The following EPRS1 variants were observed in gnomAD, a reference collection of about 807,000 sequenced individuals.
EPRS1 encodes glutamyl-prolyl-tRNA synthetase 1.
Under a neutral mutation model 188.3 loss-of-function variants are expected in EPRS1, and 107 were observed. The observed-to-expected ratio is 0.57, with a 90% CI of 0.49 to 0.67. The LOEUF is 0.67. Ranked by LOEUF, EPRS1 falls within the 30% of genes least tolerant of loss-of-function variation. The pLI is 0.00. For missense variants in EPRS1, 1,577 were observed against 1,802.2 expected, an observed-to-expected ratio of 0.88 and a Z score of 2.26; for synonymous variants, 596 against 593.1, an observed-to-expected ratio of 1.00 and a Z score of -0.07.
intron 28 of EPRS1, 27 bp downstream of exon 28, chr1:219,978,519 G>A: frequency 6.0e-6 from 9 of 1,510,502 alleles, no homozygotes; most frequent in Non-Finnish European, 8.1e-6. Context: ...AGATGTTGGG[G>A]GTAAAAGATA....
chr1:220,018,649 C>T (rs1661791627), intron 11 of EPRS1, 141 bp from the exon 12 acceptor site: 1 of 657,696 alleles, frequency 1.5e-6, no homozygotes, highest in Non-Finnish European at 2.6e-6. Flanking sequence ...ATATAAAACT[C>T]AGTGTATACA....
intron 22 of EPRS1, 97 bp from the exon 23 acceptor site, chr1:219,982,941 A>G (rs1485183504): frequency 1.3e-5 from 15 of 1,129,168 alleles, no homozygotes; most frequent in African/African-American, 1.2e-4. Context: ...AATTTTTGCT[A>G]TATCAATTTA....
intron 1 of EPRS1, among the ~76,000 whole-genome samples, chr1:220,044,307 T>C (rs969790816): frequency 6.6e-6 from 1 of 152,210 alleles, no homozygotes; most frequent in African/African-American, 2.4e-5. Flanking sequence ...AGAAAAATGA[T>C]ATATTTGATA....
chr1:219,970,074 G>A (rs978508016), intron 30 of EPRS1, among the ~76,000 whole-genome samples: 4 of 152,146 alleles, frequency 2.6e-5, no homozygotes, highest in African/African-American at 7.2e-5. Flanking sequence ...CACCCACCTC[G>A]GCCTCCCAAA....
At chr1:219,973,504 A>T in intron 28 of EPRS1, 106 bp from the exon 29 acceptor site, 1 of 761,446 alleles carries the variant, frequency 1.3e-6, no homozygotes. Context: ...AACCCAAAAA[A>T]CAAAGGCAAA....
Position 219,978,764 on chromosome 1 carries a change from T to C in EPRS1, c.3910-45A>G, listed in dbSNP as rs78146718. On this transcript the variant is annotated intron_variant, in intron 27 of 31. Transcript: ENST00000366923. Reference sequence around the variant, plus strand: ...CCAAATGTATGCAAAGAAACAGATATAGAAGTAATGAGCTCTCAGAAGTCG... The same window carrying C: ...CCAAATGTATGCAAAGAAACAGATACAGAAGTAATGAGCTCTCAGAAGTCG... The C allele has an allele frequency of 2.8e-4, 411 of 1,492,882 alleles. 4 individuals are homozygous for C. In the African/African-American group the frequency reaches 5.2e-3, roughly 19 times the overall value. The allele number at this position is 1,492,882 out of a possible 1,614,324, so 92.5% of individuals were successfully genotyped here.
intron 4 of EPRS1, among the ~76,000 whole-genome samples, chr1:220,032,885 T>C (rs1377603187): frequency 2.0e-5 from 3 of 152,156 alleles, no homozygotes; most frequent in African/African-American, 7.2e-5. Flanking sequence ...TGTGTGTGTG[T>C]GTATGTATAT....
Position 219,983,275 on chromosome 1 carries a change from C to CA in EPRS1, c.3213dup (p.Gly1072TrpfsTer3). 6.2e-7 allele frequency: 1 copy of CA among 1,614,042 alleles called. No homozygotes were observed. Among genetic ancestry groups the CA allele is most frequent in the South Asian group, 1.1e-5 (1 of 91,082 alleles). On this transcript the variant is annotated frameshift_variant, in exon 22 of 32. Coordinates refer to ENST00000366923, the MANE Select transcript of EPRS1 (RefSeq NM_004446.3). LOFTEE classifies it high-confidence loss of function. Reference sequence around the variant, plus strand: ...ATGGGGAAGTAGCAGTTTTCAACACCAAGTTTCTTGATCTCAGCATCAAAA... The same window carrying CA: ...ATGGGGAAGTAGCAGTTTTCAACACCAAAGTTTCTTGATCTCAGCATCAAAA...
intron 1 of EPRS1, among the ~76,000 whole-genome samples, chr1:220,043,053 A>C (rs576890059): frequency 6.6e-6 from 1 of 152,364 alleles, no homozygotes; most frequent in South Asian, 2.1e-4. Context: ...AATATGATTC[A>C]ATGTATATGA....
At chr1:220,014,145 T>A (rs1661656598) in intron 12 of EPRS1, among the ~76,000 whole-genome samples, 1 of 152,066 alleles carries the variant, frequency 6.6e-6, no homozygotes. Context: ...CTGGCCAACA[T>A]GGTGAAACCC....
At position 219,976,802 on chromosome 1, in the gene EPRS1, G is replaced by A. The variant is rs190307433; in HGVS notation, c.4083+1744C>T. 2.5e-3 allele frequency among the ~76,000 whole-genome samples: 384 copies of A among 152,272 alleles called. 3 individuals carry two copies. The highest frequency in any genetic ancestry group is 8.8e-3 in the African/African-American group (367 of 41,550). ...GGTAATCTGAAGCCAAATCATGGAG[G>A]AGGCAAATATTTTGTTGACAGTTTT... On this transcript the variant is annotated intron_variant, in intron 28 of 31. Transcript: ENST00000366923.
At position 219,988,570 on chromosome 1, in the gene EPRS1, A is replaced by G; in HGVS notation, c.2775+20T>C. ...TGAAACATAAAAAACAAAAGCATAT[A>G]AACAAAATAACACACTAACCTTAGG... On this transcript the variant is annotated intron_variant, in intron 19 of 31. Transcript: ENST00000366923. 1 of 1,535,592 alleles carries G rather than the reference A, an allele frequency of 6.5e-7. No homozygotes were observed. Among genetic ancestry groups the G allele is most frequent in the East Asian group, 2.2e-5 (1 of 44,448 alleles).
rs1341017405 is a variant in EPRS1, at chr1:220,046,420, C to T, written c.-32G>A. On this transcript the variant is annotated 5_prime_UTR_variant, in exon 1 of 32. Coordinates refer to ENST00000366923, the MANE Select transcript of EPRS1 (RefSeq NM_004446.3). ...CAGTCCGCTGGTCCACCTGTCAGTA[C>T]GCCTGGCTCGTGCCAGAACTACGGA... 2 of 1,613,422 alleles carry T rather than the reference C, an allele frequency of 1.2e-6. No individual in the cohort carries two copies. The highest frequency in any genetic ancestry group is 2.2e-5 in the East Asian group (1 of 44,858).
intron 5 of EPRS1, among the ~76,000 whole-genome samples, chr1:220,031,858 T>TTA (rs1662090133): frequency 6.6e-6 from 1 of 152,010 alleles, no homozygotes; most frequent in Admixed American, 6.6e-5. Context: ...TTATATGGAG[T>TTA]TTGGATTGCC....
chr1:219,986,286 T>C (rs1385742452), intron 20 of EPRS1, among the ~76,000 whole-genome samples: 2 of 152,242 alleles, frequency 1.3e-5, no homozygotes, highest in Admixed American at 1.3e-4. Flanking sequence ...TGAATACATT[T>C]TCAGAAATAC....
intron 1 of EPRS1, 118 bp downstream of exon 1, chr1:220,046,225 G>A: frequency 8.0e-7 from 1 of 1,245,314 alleles, no homozygotes; most frequent in Admixed American, 1.8e-5. Context: ...GCGAGGGGCA[G>A]GTCCAACATC....
At chr1:219,972,873 A>G (rs1660696322) in intron 29 of EPRS1, among the ~76,000 whole-genome samples, 1 of 152,136 alleles carries the variant, frequency 6.6e-6, no homozygotes, top group Non-Finnish European at 1.5e-5. Context: ...TTAAATTAGT[A>G]TCTCTAGGAA....
chr1:220,039,152 G>C lies in EPRS1; in HGVS notation c.131+1033C>G, dbSNP rs1466877403. Among the ~76,000 whole-genome samples the C allele has an allele frequency of 4.6e-5, 7 of 152,140 alleles. No homozygotes were observed. In the South Asian group the frequency reaches 1.2e-3, roughly 27 times the overall value. On this transcript the variant is annotated intron_variant, in intron 2 of 31. Coordinates refer to ENST00000366923, the MANE Select transcript of EPRS1 (RefSeq NM_004446.3). ...GCATGTCAAAGCGCCAGTCTTTGGG[G>C]TATTGCTTTCTGAAGCAACATTCCC...
intron 20 of EPRS1, among the ~76,000 whole-genome samples, chr1:219,984,933 G>C (rs749007688): frequency 6.6e-6 from 1 of 151,844 alleles, no homozygotes; most frequent in Non-Finnish European, 1.5e-5. Flanking sequence ...CCAGCTACTC[G>C]GGAGGCTGAG....
Sources: allele counts gnomAD v4.1 joint callset (sites outside exome capture counted in the v4.1 genomes callset), GRCh38; gene constraint gnomAD v4.1.1; transcripts MANE v1.5; gene names NCBI Gene and HGNC (gene_info 2026-07-23, HGNC 2026-07-21).